The following ASIC2 variants were observed in gnomAD, a reference collection of about 807,000 sequenced individuals.
ASIC2 encodes the protein acid sensing ion channel subunit 2.
ASIC2 carries 25 observed loss-of-function variants against 57.3 expected under a neutral mutation model. The observed-to-expected ratio is 0.44, with a 90% CI of 0.32 to 0.61. The LOEUF is 0.61. Ranked by LOEUF, ASIC2 falls within the 20% of genes least tolerant of loss-of-function variation. ASIC2 has a pLI of 0.06. For synonymous variants in ASIC2, 319 were observed against 307.5 expected, an observed-to-expected ratio of 1.04 and a Z score of -0.39; for missense variants, 641 against 738.1, an observed-to-expected ratio of 0.87 and a Z score of 1.52.
chr17:33,595,963 G>A (rs545554969), intron 1 of ASIC2, among the ~76,000 whole-genome samples: 25 of 152,306 alleles, frequency 1.6e-4, no homozygotes, highest in Non-Finnish European at 3.2e-4. Context: ...TAGAGTCTAT[G>A]CTGTTTCCTC....
chr17:33,302,215 C>T (rs572093124), intron 1 of ASIC2, among the ~76,000 whole-genome samples: 14 of 152,162 alleles, frequency 9.2e-5, no homozygotes, highest in Non-Finnish European at 2.1e-4. Flanking sequence ...CTTTTCTACC[C>T]AATTTGCTGT....
At chr17:33,944,702 A>G (rs1916268399) in intron 1 of ASIC2, among the ~76,000 whole-genome samples, 1 of 152,110 alleles carries the variant, frequency 6.6e-6, no homozygotes, top group Non-Finnish European at 1.5e-5. Context: ...TGCCAGAGAG[A>G]TGTACTGAGA....
chr17:34,116,153 C>A (rs950330421), intron 1 of ASIC2, among the ~76,000 whole-genome samples: 1 of 152,192 alleles, frequency 6.6e-6, no homozygotes, highest in African/African-American at 2.4e-5. Flanking sequence ...TTCTGAGCAC[C>A]TTTCTCCCTC....
intron 1 of ASIC2, among the ~76,000 whole-genome samples, chr17:33,519,346 C>T (rs1045998531): frequency 2.0e-5 from 3 of 152,196 alleles, no homozygotes; most frequent in Admixed American, 6.5e-5. Context: ...TACCCTTCTC[C>T]TTTCCTCTCT....
chr17:33,923,920 A>G (rs554141284), intron 1 of ASIC2, among the ~76,000 whole-genome samples: 2 of 152,262 alleles, frequency 1.3e-5, no homozygotes, highest in East Asian at 3.9e-4. Flanking sequence ...CAGCAACTAC[A>G]TGGCAGAAGA....
At chr17:33,915,602 A>T (rs1463405218) in intron 1 of ASIC2, among the ~76,000 whole-genome samples, 1 of 152,066 alleles carries the variant, frequency 6.6e-6, no homozygotes, top group Admixed American at 6.6e-5. Flanking sequence ...TCTTAATCAC[A>T]CACTCGATAC....
chr17:33,907,971 T>A (rs1017465167), intron 1 of ASIC2, among the ~76,000 whole-genome samples: 2 of 152,168 alleles, frequency 1.3e-5, no homozygotes, highest in African/African-American at 2.4e-5. Context: ...GCAGGGCAGT[T>A]TTTTTCCCTC....
At chr17:34,148,988 C>T (rs1302978548) in intron 1 of ASIC2, among the ~76,000 whole-genome samples, 4 of 152,124 alleles carry the variant, frequency 2.6e-5, no homozygotes, top group Non-Finnish European at 4.4e-5. Flanking sequence ...CACACACATG[C>T]ACACAATACA....
chr17:33,221,119 C>G (rs138638418), intron 1 of ASIC2, among the ~76,000 whole-genome samples: 98 of 151,668 alleles, frequency 6.5e-4, no homozygotes, highest in African/African-American at 2.2e-3. Flanking sequence ...GTAGGCAGAC[C>G]CCTGGAGTGG....
At chr17:33,499,335 G>C (rs1275658984) in intron 1 of ASIC2, among the ~76,000 whole-genome samples, 1 of 152,238 alleles carries the variant, frequency 6.6e-6, no homozygotes, top group Admixed American at 6.5e-5. Context: ...CTGTCTGTCA[G>C]TGTGACTTTA....
intron 1 of ASIC2, among the ~76,000 whole-genome samples, chr17:33,231,623 G>C (rs912461408): frequency 3.3e-5 from 5 of 152,144 alleles, no homozygotes; most frequent in African/African-American, 4.8e-5. Flanking sequence ...ACCCTTAGGT[G>C]CTGAGTTGGA....
intron 1 of ASIC2, among the ~76,000 whole-genome samples, chr17:33,923,442 T>C (rs1260067214): frequency 6.6e-6 from 1 of 152,290 alleles, no homozygotes; most frequent in East Asian, 1.9e-4. Flanking sequence ...ATAAAATGAC[T>C]TCTCAGGGTC....
Position 33,023,848 on chromosome 17 carries a change from C to A in ASIC2, c.1349+13G>T. The stretch of plus-strand genomic sequence containing the variant: ...TCCCCCTTCCCCCTGCCTACCATGC[C>A]CACTAAACTTACGAGATATATTTTT... On this transcript the variant is annotated intron_variant, in intron 6 of 9. Transcript: ENST00000225823. The A allele has an allele frequency of 6.2e-7, 1 of 1,614,052 alleles. No homozygotes were observed. The highest frequency in any genetic ancestry group is 8.5e-7 in the Non-Finnish European group (1 of 1,179,954).
chr17:33,491,690 T>C (rs760211251), intron 1 of ASIC2, among the ~76,000 whole-genome samples: 7 of 152,170 alleles, frequency 4.6e-5, no homozygotes, highest in Non-Finnish European at 1.0e-4. Flanking sequence ...CTGAACGATC[T>C]CATCCCTCTT....
At chr17:33,325,591 A>G (rs1367030281) in intron 1 of ASIC2, among the ~76,000 whole-genome samples, 1 of 152,154 alleles carries the variant, frequency 6.6e-6, no homozygotes, top group Non-Finnish European at 1.5e-5. Flanking sequence ...GAAGACTTAG[A>G]AAGTGATTTT....
At chr17:33,923,401 C>T (rs1597931549) in intron 1 of ASIC2, among the ~76,000 whole-genome samples, 1 of 152,238 alleles carries the variant, frequency 6.6e-6, no homozygotes, top group Non-Finnish European at 1.5e-5. Flanking sequence ...TATTCATCAC[C>T]CAGTCCAAGG....
chr17:33,181,068 G>A (rs964956903), intron 1 of ASIC2, among the ~76,000 whole-genome samples: 6 of 152,152 alleles, frequency 3.9e-5, no homozygotes, highest in African/African-American at 1.4e-4. Flanking sequence ...AGGATACTAG[G>A]AGCTGGAAGA....
At chr17:33,481,243 C>T (rs1347251079) in intron 1 of ASIC2, among the ~76,000 whole-genome samples, 2 of 152,144 alleles carry the variant, frequency 1.3e-5, no homozygotes, top group Non-Finnish European at 2.9e-5. Context: ...TTGAGGTTAC[C>T]CTGGCCATCT....
At chr17:33,978,701 T>A (rs941077750) in intron 1 of ASIC2, among the ~76,000 whole-genome samples, 7 of 152,096 alleles carry the variant, frequency 4.6e-5, no homozygotes, top group Non-Finnish European at 8.8e-5. Context: ...TGAGGGTGAC[T>A]CTGGCCCTCT....
Sources: allele counts gnomAD v4.1 joint callset (sites outside exome capture counted in the v4.1 genomes callset), GRCh38; gene constraint gnomAD v4.1.1; transcripts MANE v1.5; gene names NCBI Gene and HGNC (gene_info 2026-07-23, HGNC 2026-07-21).